The following PAPSS1 variants were observed in gnomAD, a reference collection of about 807,000 sequenced individuals.
PAPSS1 encodes bifunctional 3'-phosphoadenosine 5'-phosphosulfate synthase 1.
PAPSS1 carries 50 observed loss-of-function variants against 72.0 expected under a neutral mutation model. That is an observed-to-expected ratio of 0.69 (90% CI 0.55 to 0.88). The LOEUF (loss-of-function observed/expected upper bound fraction) is 0.88. Among genes scored for constraint, PAPSS1 ranks in the 40% least tolerant of loss-of-function variants. The probability of loss-of-function intolerance (pLI) is 0.00; values close to 1 mark genes in which losing one functional copy is unlikely to be tolerated. For synonymous variants in PAPSS1, 261 were observed against 263.6 expected (o/e 0.99, Z 0.09); for missense variants, 657 against 782.2 (o/e 0.84, Z 1.91).
At chr4:107,630,715 C>G (rs1726205896) in intron 11 of PAPSS1, among the ~76,000 whole-genome samples, 1 of 152,120 alleles carries the variant, frequency 6.6e-6, no homozygotes, top group Non-Finnish European at 1.5e-5. Context: ...ATGATTAAGA[C>G]CACAGACTCT....
chr4:107,641,729 A>G (rs757753247), intron 10 of PAPSS1, among the ~76,000 whole-genome samples: 1 of 152,290 alleles, frequency 6.6e-6, no homozygotes, highest in East Asian at 1.9e-4. Context: ...GGATATCCCA[A>G]ATCAGGGCTA....
intron 5 of PAPSS1, among the ~76,000 whole-genome samples, chr4:107,668,476 A>AC (rs1727378494): frequency 1.3e-5 from 2 of 152,180 alleles, no homozygotes; most frequent in Admixed American, 1.3e-4. Flanking sequence ...GGGCGTTGCC[A>AC]AAGGAGATTA....
At chr4:107,697,625 T>C (rs1214668590) in intron 2 of PAPSS1, among the ~76,000 whole-genome samples, 1 of 152,230 alleles carries the variant, frequency 6.6e-6, no homozygotes, top group Non-Finnish European at 1.5e-5. Flanking sequence ...GAATTACTGA[T>C]ATAAACAGTT....
At chr4:107,671,818 T>C (rs1459450230) in intron 5 of PAPSS1, among the ~76,000 whole-genome samples, 2 of 152,198 alleles carry the variant, frequency 1.3e-5, no homozygotes, top group Non-Finnish European at 2.9e-5. Context: ...AAGTATATAA[T>C]TGTATTCTTT....
chr4:107,693,771 C>T lies in PAPSS1; in HGVS notation c.411G>A (p.Gln137=). 6.2e-7 allele frequency: 1 copy of T among 1,608,156 alleles called. No individual in the cohort carries two copies. Among genetic ancestry groups the T allele is most frequent in the South Asian group, 1.1e-5 (1 of 90,954 alleles). ...AGGCAATGGCACAAAAACCACATACCTGAGTGTAAGGTGATATGAAACTTG... is the reference window on the plus strand; with the variant it reads ...AGGCAATGGCACAAAAACCACATACTTGAGTGTAAGGTGATATGAAACTTG... The part of the protein sequence containing the change: ...CITSFISPYT[Q]DRNNARQIHE... Residue 137 remains glutamine (Q), a splice_region_variant and synonymous_variant, in exon 3 of 12, where the codon CAG becomes CAA. Coordinates refer to ENST00000265174, the MANE Select transcript of PAPSS1 (RefSeq NM_005443.5).
intron 9 of PAPSS1, among the ~76,000 whole-genome samples, chr4:107,645,839 G>A (rs532344369): frequency 3.2e-4 from 49 of 152,238 alleles, no homozygotes; most frequent in Non-Finnish European, 5.6e-4. Flanking sequence ...TCGACTCAGG[G>A]AGAGGAACAG....
At chr4:107,701,320 A>G in intron 1 of PAPSS1, 35 bp from the exon 2 acceptor site, 1 of 1,325,624 alleles carries the variant, frequency 7.5e-7, no homozygotes, top group Non-Finnish European at 1.1e-6. Context: ...TCTAGTTTAC[A>G]TGAGTCCTTT....
chr4:107,702,774 A>G (rs374105679), intron 1 of PAPSS1, among the ~76,000 whole-genome samples: 4 of 152,294 alleles, frequency 2.6e-5, no homozygotes, highest in South Asian at 2.1e-4. Context: ...AGCTGATTCC[A>G]TATCTTGACT....
intron 1 of PAPSS1, among the ~76,000 whole-genome samples, chr4:107,716,845 A>T (rs1176254641): frequency 6.6e-6 from 1 of 152,168 alleles, no homozygotes. Flanking sequence ...ACATTTTCCC[A>T]TCTCTTTGCC....
At chr4:107,720,035 A>C (rs1472401087) in intron 1 of PAPSS1, 85 bp downstream of exon 1, 1 of 1,567,984 alleles carries the variant, frequency 6.4e-7, no homozygotes, top group Non-Finnish European at 8.6e-7. Flanking sequence ...GATGCGGAGG[A>C]GGCGGGAGAG....
chr4:107,659,874 T>C, intron 6 of PAPSS1, 85 bp downstream of exon 6: 1 of 721,090 alleles, frequency 1.4e-6, no homozygotes, highest in African/African-American at 1.9e-5. Flanking sequence ...ACCCCTGGCC[T>C]CAAATACTGC....
Position 107,653,618 on chromosome 4 carries a change from C to T in PAPSS1, c.1110G>A (p.Met370Ile), listed in dbSNP as rs1467347486. ...CKNHPYIKMV[M>I]EQGDWLIGGD... The stretch of plus-strand genomic sequence containing the variant: ...CTCCAATCAGCCAATCTCCTTGTTC[C>T]ATCACCATCTAATAGGAAAAACAAA... Residue 370 changes from methionine (M) to isoleucine (I), a missense_variant, in exon 9 of 12, where the codon ATG (methionine) becomes ATA (isoleucine). Met to Ile is a conservative substitution (Grantham distance 10). Transcript: ENST00000265174. 6.2e-7 allele frequency: 1 copy of T among 1,610,086 alleles called. No homozygotes were observed. The highest frequency in any genetic ancestry group is 8.5e-7 in the Non-Finnish European group (1 of 1,178,812).
intron 3 of PAPSS1, among the ~76,000 whole-genome samples, 161 bp from the exon 4 acceptor site, chr4:107,687,338 T>C (rs1578422866): frequency 6.6e-6 from 1 of 152,244 alleles, no homozygotes; most frequent in Non-Finnish European, 1.5e-5. Flanking sequence ...AATTATTAGG[T>C]TAATTCCTAT....
chr4:107,640,313 T>A (rs547632023), intron 10 of PAPSS1, among the ~76,000 whole-genome samples: 1 of 152,168 alleles, frequency 6.6e-6, no homozygotes, highest in Non-Finnish European at 1.5e-5. Context: ...ATTCAAGCCA[T>A]AAAATCTTTA....
chr4:107,669,192 C>A (rs752858688), intron 5 of PAPSS1, among the ~76,000 whole-genome samples: 11 of 152,190 alleles, frequency 7.2e-5, no homozygotes, highest in Non-Finnish European at 1.3e-4. Flanking sequence ...CACATTATAG[C>A]AAGTCACTTT....
chr4:107,677,973 G>A (rs1212330064), intron 5 of PAPSS1, among the ~76,000 whole-genome samples: 2 of 152,102 alleles, frequency 1.3e-5, no homozygotes, highest in African/African-American at 4.8e-5. Context: ...ACTCATAGGT[G>A]GGAATTGAAC....
chr4:107,683,139 T>C (rs1482104371), intron 4 of PAPSS1, among the ~76,000 whole-genome samples: 1 of 152,174 alleles, frequency 6.6e-6, no homozygotes, highest in African/African-American at 2.4e-5. Flanking sequence ...GCTTAGGTCA[T>C]TCTTAGGTTA....
intron 11 of PAPSS1, among the ~76,000 whole-genome samples, chr4:107,627,890 A>C (rs1165348745): frequency 1.3e-5 from 2 of 152,116 alleles, no homozygotes; most frequent in Non-Finnish European, 2.9e-5. Context: ...ATACATACAG[A>C]TACATATTTC....
intron 2 of PAPSS1, among the ~76,000 whole-genome samples, chr4:107,696,596 AG>A (rs1439907240): frequency 6.6e-6 from 1 of 152,068 alleles, no homozygotes; most frequent in Non-Finnish European, 1.5e-5. Context: ...GGGGGTAGGT[AG>A]GGGAGGGAAA....
Sources: allele counts gnomAD v4.1 joint callset (sites outside exome capture counted in the v4.1 genomes callset), GRCh38; gene constraint gnomAD v4.1.1; transcripts MANE v1.5; gene names NCBI Gene and HGNC (gene_info 2026-07-23, HGNC 2026-07-21).